FAR1: variants seen among roughly 807,000 people sequenced by gnomAD.
The protein encoded by FAR1 is male sterility domain-containing protein 2.
A neutral mutation model predicts 61.1 loss-of-function variants in FAR1; 22 were observed. The observed-to-expected ratio is 0.36, with a 90% confidence interval of 0.26 to 0.51. The LOEUF is 0.51. FAR1 is among the 20% of genes least tolerant of loss of function. The probability of loss-of-function intolerance (pLI) is 0.95; values close to 1 mark genes in which losing one functional copy is unlikely to be tolerated. For synonymous variants in FAR1, 206 were observed against 209.7 expected (o/e 0.98, Z 0.15); for missense variants, 359 against 626.9 (o/e 0.57, Z 4.56).
At chr11:13,687,057 T>A (rs1305753401) in intron 1 of FAR1, among the ~76,000 whole-genome samples, 1 of 152,334 alleles carries the variant, frequency 6.6e-6, no homozygotes, top group East Asian at 1.9e-4. Context: ...AGCAAGTAAA[T>A]ATATCTTAAG....
chr11:13,722,198 TC>T (rs1466976761), intron 10 of FAR1, among the ~76,000 whole-genome samples: 1 of 152,166 alleles, frequency 6.6e-6, no homozygotes, highest in East Asian at 1.9e-4. Context: ...AAAAAGCTTC[TC>T]TAAGAAATTG....
rs150100912 is a variant in FAR1, at chr11:13,680,813, T to C, written c.-8+12007T>C. Among the ~76,000 whole-genome samples, 105 of 152,262 alleles carry C rather than the reference T, an allele frequency of 6.9e-4. 2 individuals carry two copies. The East Asian group carries it at 0.019, about 28-fold the overall frequency. On this transcript the variant is annotated intron_variant, in intron 1 of 11. Transcript: ENST00000354817. ...TGGGAATCAGATTTCAACATGAGAC[T>C]TGGTGGGACCAAACAAACCATATGT... is the stretch of plus-strand genomic sequence containing the variant.
intron 1 of FAR1, among the ~76,000 whole-genome samples, chr11:13,679,890 C>A (rs1848106948): frequency 6.6e-6 from 1 of 151,944 alleles, no homozygotes; most frequent in Non-Finnish European, 1.5e-5. Flanking sequence ...GTATAGTGGC[C>A]TAAGAACTAA....
intron 8 of FAR1, among the ~76,000 whole-genome samples, 167 bp from the exon 9 acceptor site, chr11:13,714,342 A>C (rs527981115): frequency 9.0e-4 from 137 of 152,310 alleles, no homozygotes; most frequent in Non-Finnish European, 1.7e-3. Flanking sequence ...TAGCAGTCTA[A>C]TAACCATATT....
Position 13,732,223 on chromosome 11 carries a change from C to T in FAR1, c.*3449C>T, listed in dbSNP as rs1180932697. The T allele has an allele frequency of 2.0e-5, 3 of 151,678 alleles. No individual in the cohort carries two copies. Among genetic ancestry groups the T allele is most frequent in the South Asian group, 2.1e-4 (1 of 4,818 alleles). 9.4% of individuals were successfully genotyped at this position (151,678 alleles called of 1,614,324 possible). A position where few individuals can be genotyped will look rare whatever the true frequency, so the allele number is the denominator to read the frequency against. ...TATTTGTCTTTTTTCCTGGTGGTAC[C>T]CTCTTAGCATATATCTTTGCTATCC... is the stretch of plus-strand genomic sequence containing the variant. On this transcript the variant is annotated 3_prime_UTR_variant, in exon 12 of 12. Transcript: ENST00000354817.
intron 1 of FAR1, among the ~76,000 whole-genome samples, chr11:13,687,955 G>C (rs548249847): frequency 7.8e-6 from 1 of 127,538 alleles, no homozygotes; most frequent in South Asian, 3.2e-4. Context: ...GTTGTGGGGT[G>C]GGGGGAGGGG....
At chr11:13,725,294 T>C (rs116006958) in intron 10 of FAR1, among the ~76,000 whole-genome samples, 426 of 152,346 alleles carry the variant, frequency 2.8e-3, no homozygotes, top group African/African-American at 9.7e-3. Context: ...GAGGGCAGTG[T>C]ATGAGAGTTC....
chr11:13,714,375 A>C (rs1277563838), intron 8 of FAR1, 134 bp from the exon 9 acceptor site: 5 of 810,756 alleles, frequency 6.2e-6, no homozygotes, highest in Non-Finnish European at 9.3e-6. Flanking sequence ...AGAGAGTAGA[A>C]AAGTTTGTTT....
intron 2 of FAR1, among the ~76,000 whole-genome samples, chr11:13,697,482 A>G (rs1405788190): frequency 1.3e-5 from 2 of 152,066 alleles, no homozygotes; most frequent in Non-Finnish European, 2.9e-5. Context: ...AAATAAAATG[A>G]AGTAGTTGAT....
In FAR1 at chr11:13,676,834, A is replaced by G. The variant is rs191704420; in HGVS notation, c.-8+8028A>G. On this transcript the variant is annotated intron_variant, in intron 1 of 11. Coordinates refer to ENST00000354817, the MANE Select transcript of FAR1 (RefSeq NM_032228.6). ...ATACCCTTGTGACCTGTTGGAGTTA[A>G]TAATTTTTCAAGTACCTAATCTACT... Among the ~76,000 whole-genome samples the G allele has an allele frequency of 1.7e-3, 262 of 152,318 alleles. 1 individual carries two copies. The highest frequency in any genetic ancestry group is 3.0e-3 in the Non-Finnish European group (201 of 68,026).
chr11:13,678,879 A>G (rs1848096287), intron 1 of FAR1, among the ~76,000 whole-genome samples: 2 of 152,158 alleles, frequency 1.3e-5, no homozygotes, highest in Non-Finnish European at 2.9e-5. Flanking sequence ...AGGCTTGAGA[A>G]CAAGATTCAG....
intron 9 of FAR1, chr11:13,719,977 A>G (rs897110530): frequency 6.6e-6 from 1 of 152,222 alleles, no homozygotes; most frequent in African/African-American, 2.4e-5. Context: ...GTTCTAAGGT[A>G]TGTTTAACCA....
Position 13,707,887 on chromosome 11 carries a change from TC to T in FAR1, c.366-12del, listed in dbSNP as rs1330453261. The T allele has an allele frequency of 6.8e-7, 1 of 1,476,204 alleles. No homozygotes were observed. Among genetic ancestry groups the T allele is most frequent in the Non-Finnish European group, 9.0e-7 (1 of 1,107,646 alleles). The allele number at this position is 1,476,204 out of a possible 1,614,324, so 91.4% of individuals were successfully genotyped here. On this transcript the variant is annotated splice_polypyrimidine_tract_variant and intron_variant, in intron 3 of 11. Transcript: ENST00000354817. ...TTCCCAATTTTCTATTGTCACTTTTTCTTTTTAAACAGAGATGCTGTTCAGT... is the reference window on the plus strand; with the variant it reads ...TTCCCAATTTTCTATTGTCACTTTTTTTTTTAAACAGAGATGCTGTTCAGT...
At chr11:13,719,906 TG>T (rs1236287124) in intron 9 of FAR1, 1 of 152,158 alleles carries the variant, frequency 6.6e-6, no homozygotes, top group Non-Finnish European at 1.5e-5. Flanking sequence ...TTTTTTAAGT[TG>T]CCATAATAAA....
chr11:13,690,683 G>A (rs1241696612), intron 1 of FAR1, among the ~76,000 whole-genome samples: 1 of 151,940 alleles, frequency 6.6e-6, no homozygotes, highest in African/African-American at 2.4e-5. Context: ...CTCCATCTTT[G>A]TTATTTATGT....
chr11:13,711,934 A>C lies in FAR1; in HGVS notation c.775A>C (p.Lys259Gln). The C allele has an allele frequency of 6.2e-7, 1 of 1,612,964 alleles. No individual in the cohort carries two copies. ...GPSGLFIAAG[K>Q]GILRTIRASN... ...GTTTTTAATTTCAACAAAGGCAGGG[A>C]AAGGAATTCTTCGAACAATACGTGC... is the stretch of plus-strand genomic sequence containing the variant. The change falls in exon 7 of 12, where the codon AAA (lysine) becomes CAA (glutamine). Residue 259 changes from lysine (K) to glutamine (Q), a missense_variant. Physicochemically the swap from Lys to Gln is moderately conservative, Grantham distance 53. Around this residue, in one of 2 missense-constraint regions of FAR1, gnomAD observed 344 missense variants for 570.3 expected, o/e 0.60. Coordinates refer to ENST00000354817, the MANE Select transcript of FAR1 (RefSeq NM_032228.6).
chr11:13,704,027 A>G (rs1242981464), intron 3 of FAR1, among the ~76,000 whole-genome samples: 1 of 148,418 alleles, frequency 6.7e-6, no homozygotes, highest in Non-Finnish European at 1.5e-5. Flanking sequence ...CTGGGCGACA[A>G]GAGCGAAACT....
At chr11:13,678,328 G>A (rs537671311) in intron 1 of FAR1, among the ~76,000 whole-genome samples, 1 of 152,124 alleles carries the variant, frequency 6.6e-6, no homozygotes, top group South Asian at 2.1e-4. Flanking sequence ...GCAGTGGTGC[G>A]ATCTCCGCTC....
intron 1 of FAR1, 103 bp from the exon 2 acceptor site, chr11:13,694,656 T>C (rs1395108061): frequency 4.0e-6 from 4 of 1,004,116 alleles, no homozygotes; most frequent in African/African-American, 1.6e-5. Flanking sequence ...ATTTTGACTT[T>C]TGTCTGCTTT....
Sources: allele counts gnomAD v4.1 joint callset (sites outside exome capture counted in the v4.1 genomes callset), GRCh38; gene constraint gnomAD v4.1.1; regional missense constraint gnomAD v4.1.1; transcripts MANE v1.5; gene names NCBI Gene and HGNC (gene_info 2026-07-23, HGNC 2026-07-21).